The following KLHL1 variants were observed in gnomAD, a reference collection of about 807,000 sequenced individuals.
KLHL1 encodes the protein kelch-like protein 1.
A neutral mutation model predicts 77.7 loss-of-function variants in KLHL1; 47 were observed. The ratio of observed to expected loss-of-function variants is 0.60; its 90% confidence interval spans 0.48 to 0.77. The LOEUF (loss-of-function observed/expected upper bound fraction) is 0.77, where lower values mean the gene tolerates loss of function less well. KLHL1 is among the 30% of genes least tolerant of loss of function. KLHL1 has a pLI of 0.00. For synonymous variants in KLHL1, 360 were observed against 325.2 expected, an observed-to-expected ratio of 1.11 and a Z score of -1.15; for missense variants, 925 against 910.8, an observed-to-expected ratio of 1.02 and a Z score of -0.20.
intron 3 of KLHL1, among the ~76,000 whole-genome samples, chr13:69,958,347 C>T (rs1046589488): frequency 1.3e-5 from 2 of 151,752 alleles, no homozygotes; most frequent in East Asian, 3.9e-4. Context: ...TTTTGGACTA[C>T]AGGTAACAAA....
chr13:69,940,024 C>T lies in KLHL1; in HGVS notation c.1014+16G>A, dbSNP rs540034785. 17 of 1,572,306 alleles carry T rather than the reference C, an allele frequency of 1.1e-5. No homozygotes were observed. Among genetic ancestry groups the T allele is most frequent in the Non-Finnish European group, 1.4e-5 (16 of 1,154,588 alleles). The stretch of plus-strand genomic sequence containing the variant: ...ACAGAGTGTGTCTCCATTATTAAAA[C>T]ATTAAGTTTCCTTACCATTGTGTAG... On this transcript the variant is annotated intron_variant, in intron 4 of 10. Transcript: ENST00000377844.
chr13:69,776,346 C>T (rs1202405046), intron 7 of KLHL1, among the ~76,000 whole-genome samples: 1 of 151,990 alleles, frequency 6.6e-6, no homozygotes, highest in Non-Finnish European at 1.5e-5. Flanking sequence ...CAAAATGAAG[C>T]AAAGCAAAAC....
At chr13:69,706,768 G>C (rs1335725950) in intron 10 of KLHL1, among the ~76,000 whole-genome samples, 1 of 151,888 alleles carries the variant, frequency 6.6e-6, no homozygotes, top group Non-Finnish European at 1.5e-5. Context: ...AATATGTAAG[G>C]ACACAAGTCA....
At chr13:69,979,949 A>G (rs1884660044) in intron 1 of KLHL1, among the ~76,000 whole-genome samples, 2 of 151,992 alleles carry the variant, frequency 1.3e-5, no homozygotes, top group Non-Finnish European at 2.9e-5. Context: ...CCCTCCAAAT[A>G]CTCCTTAATC....
At position 69,701,673 on chromosome 13, in the gene KLHL1, A is replaced by G. The variant is rs1160145385; in HGVS notation, c.*29T>C. On this transcript the variant is annotated 3_prime_UTR_variant, in exon 11 of 11. Transcript: ENST00000377844. ...TATAAAAATAACCACTCCAGCAAGT[A>G]AAATCTTTCCAAGTAAAATATCAAT... 1 of 1,547,584 alleles carries G rather than the reference A, an allele frequency of 6.5e-7. No homozygotes were observed. The highest frequency in any genetic ancestry group is 1.7e-5 in the Admixed American group (1 of 57,836).
chr13:69,924,298 G>T (rs1157186716), intron 4 of KLHL1, among the ~76,000 whole-genome samples: 39 of 152,110 alleles, frequency 2.6e-4, no homozygotes, highest in Admixed American at 2.6e-3. Context: ...TGTGCTGATG[G>T]AACAGAATGG....
chr13:69,872,878 A>G (rs1223606917), intron 5 of KLHL1, among the ~76,000 whole-genome samples: 1 of 152,168 alleles, frequency 6.6e-6, no homozygotes, highest in Non-Finnish European at 1.5e-5. Context: ...ATCCTCCCCA[A>G]TGACACAAAC....
chr13:69,813,501 C>CATATAT (rs757879666), intron 6 of KLHL1, among the ~76,000 whole-genome samples: 1 of 148,996 alleles, frequency 6.7e-6, no homozygotes, highest in Non-Finnish European at 1.5e-5. Context: ...CACACACACA[C>CATATAT]ACATATATAT....
chr13:69,924,831 C>T (rs1370575662), intron 4 of KLHL1, among the ~76,000 whole-genome samples: 1 of 152,210 alleles, frequency 6.6e-6, no homozygotes, highest in African/African-American at 2.4e-5. Context: ...TCCTAGCTTC[C>T]AGATACCACC....
At chr13:70,030,489 G>A (rs1261138507) in intron 1 of KLHL1, among the ~76,000 whole-genome samples, 4 of 152,188 alleles carry the variant, frequency 2.6e-5, no homozygotes, top group Non-Finnish European at 5.9e-5. Flanking sequence ...GCTCCTGAAT[G>A]ACTACAAGGT....
At chr13:69,957,244 C>A (rs1332576083) in intron 3 of KLHL1, among the ~76,000 whole-genome samples, 2 of 151,646 alleles carry the variant, frequency 1.3e-5, no homozygotes, top group Admixed American at 6.6e-5. Context: ...AGAATGCCAA[C>A]AAGTAGATAG....
chr13:70,084,737 AG>A (rs1439126190), intron 1 of KLHL1, among the ~76,000 whole-genome samples: 2 of 146,950 alleles, frequency 1.4e-5, no homozygotes, highest in Non-Finnish European at 3.0e-5. Flanking sequence ...GGCCTCCCAA[AG>A]TGCTGGAATT....
At chr13:69,969,019 T>C (rs1032707830) in intron 2 of KLHL1, among the ~76,000 whole-genome samples, 1 of 151,322 alleles carries the variant, frequency 6.6e-6, no homozygotes, top group African/African-American at 2.4e-5. Flanking sequence ...GGAAGTTAGA[T>C]CAATACAGGA....
chr13:69,894,226 G>C (rs1593925107), intron 4 of KLHL1: 1 of 153,512 alleles, frequency 6.5e-6, no homozygotes, highest in Middle Eastern at 3.4e-3. Context: ...GTACAAGAGA[G>C]GTCATCTTTA....
Position 70,074,744 on chromosome 13 carries a change from G to GAA in KLHL1, c.497+32457_497+32458dup, listed in dbSNP as rs34421047. Among the ~76,000 whole-genome samples, 994 of 145,576 alleles carry GAA rather than the reference G, an allele frequency of 6.8e-3. 8 individuals carry two copies. Among genetic ancestry groups the GAA allele is most frequent in the Non-Finnish European group, 0.01 (690 of 66,370 alleles). Reference sequence around the variant, plus strand: ...GTGAAACTTTAACCCGAGCAAGCAAGAAAAAAAAAAAATTATGCTGTTGAT... The same window carrying GAA: ...GTGAAACTTTAACCCGAGCAAGCAAGAAAAAAAAAAAAAATTATGCTGTTGAT... On this transcript the variant is annotated intron_variant, in intron 1 of 10. Coordinates refer to ENST00000377844, the MANE Select transcript of KLHL1 (RefSeq NM_020866.3).
At chr13:69,718,820 T>C (rs1872894829) in intron 9 of KLHL1, among the ~76,000 whole-genome samples, 1 of 152,116 alleles carries the variant, frequency 6.6e-6, no homozygotes, top group Admixed American at 6.6e-5. Context: ...TAAGAGAACC[T>C]ATGTTTCCTT....
At chr13:70,050,338 A>G (rs1886600935) in intron 1 of KLHL1, among the ~76,000 whole-genome samples, 1 of 151,880 alleles carries the variant, frequency 6.6e-6, no homozygotes, top group South Asian at 2.1e-4. Context: ...TTTGTATTAA[A>G]CATTTATCTA....
chr13:69,701,696 A>C lies in KLHL1; in HGVS notation c.*6T>G. 1.3e-6 allele frequency: 2 copies of C among 1,598,988 alleles called. No individual in the cohort carries two copies. The highest frequency in any genetic ancestry group is 1.7e-6 in the Non-Finnish European group (2 of 1,169,352). On this transcript the variant is annotated 3_prime_UTR_variant, in exon 11 of 11. Transcript: ENST00000377844. ...GTAAAATCTTTCCAAGTAAAATATC[A>C]ATAAGTCAAGGTTGCTTGATGACTA... is the stretch of plus-strand genomic sequence containing the variant.
At chr13:69,774,671 A>AAC (rs200445733) in intron 7 of KLHL1, among the ~76,000 whole-genome samples, 1 of 141,890 alleles carries the variant, frequency 7.0e-6, no homozygotes, top group African/African-American at 2.5e-5. Context: ...AATAAAAAAA[A>AAC]ACACACACAC....
Sources: gnomAD v4.1 joint callset for allele counts (sites outside exome capture counted in the v4.1 genomes callset) on GRCh38, gnomAD v4.1.1 for gene constraint, MANE v1.5 for transcripts, NCBI Gene and HGNC (gene_info 2026-07-23, HGNC 2026-07-21) for gene names.